MYOZ2: variants seen among roughly 807,000 people sequenced by gnomAD.
The protein encoded by MYOZ2 is myozenin-2.
MYOZ2 carries 19 observed loss-of-function variants against 25.4 expected under a neutral mutation model. The observed-to-expected ratio is 0.75, with a 90% CI of 0.52 to 1.10. The LOEUF is 1.10. Among genes scored for constraint, MYOZ2 ranks in the 50% least tolerant of loss-of-function variants. The pLI is 0.00. For synonymous variants in MYOZ2, 92 were observed against 106.9 expected (o/e 0.86, Z 0.86); for missense variants, 270 against 317.9 (o/e 0.85, Z 1.15).
At chr4:119,167,678 C>T (rs1308906130) in intron 5 of MYOZ2, among the ~76,000 whole-genome samples, 1 of 152,204 alleles carries the variant, frequency 6.6e-6, no homozygotes, top group Non-Finnish European at 1.5e-5. Context: ...AACTATCTCA[C>T]TAGAAACTAA....
chr4:119,163,008 A>G (rs963455002), intron 4 of MYOZ2, among the ~76,000 whole-genome samples: 3 of 152,220 alleles, frequency 2.0e-5, no homozygotes, highest in African/African-American at 4.8e-5. Flanking sequence ...CAGAATTATC[A>G]ATACATAGGT....
chr4:119,176,303 C>T (rs1292000966), intron 5 of MYOZ2, among the ~76,000 whole-genome samples: 1 of 150,610 alleles, frequency 6.6e-6, no homozygotes, highest in Non-Finnish European at 1.5e-5. Context: ...TCACTGCAAC[C>T]TCCACCTCCC....
intron 5 of MYOZ2, among the ~76,000 whole-genome samples, chr4:119,171,830 CACACAAA>C (rs1218244086): frequency 4.6e-5 from 7 of 150,972 alleles, no homozygotes; most frequent in East Asian, 1.9e-4. Context: ...CACACACACA[CACACAAA>C]ACAAAACAAA....
chr4:119,157,980 AT>A, intron 3 of MYOZ2, 41 bp from the exon 4 acceptor site: 1 of 1,611,388 alleles, frequency 6.2e-7, no homozygotes, highest in Non-Finnish European at 8.5e-7. Context: ...TTGTGCTTAC[AT>A]TTTTGAGTTT....
At chr4:119,159,262 T>A (rs1415430654) in intron 4 of MYOZ2, among the ~76,000 whole-genome samples, 1 of 151,978 alleles carries the variant, frequency 6.6e-6, no homozygotes, top group African/African-American at 2.4e-5. Context: ...AGACCCTATC[T>A]CTACAAAAAA....
At chr4:119,175,013 A>G (rs1742032513) in intron 5 of MYOZ2, among the ~76,000 whole-genome samples, 1 of 152,020 alleles carries the variant, frequency 6.6e-6, no homozygotes, top group Non-Finnish European at 1.5e-5. Flanking sequence ...CACCAGAAGG[A>G]AGAAACTCCG....
At chr4:119,161,741 A>AAAT (rs1741714698) in intron 4 of MYOZ2, among the ~76,000 whole-genome samples, 1 of 152,176 alleles carries the variant, frequency 6.6e-6, no homozygotes, top group East Asian at 1.9e-4. Context: ...GATTATTGTG[A>AAAT]AACCCTTAAA....
chr4:119,158,542 TA>T (rs1741637083), intron 4 of MYOZ2, among the ~76,000 whole-genome samples: 1 of 151,882 alleles, frequency 6.6e-6, no homozygotes, highest in African/African-American at 2.4e-5. Context: ...GGTAACAGAG[TA>T]AGACCCTGAC....
In MYOZ2 at chr4:119,137,236, G is replaced by A. The variant is rs144307449; in HGVS notation, c.76+635G>A. On this transcript the variant is annotated intron_variant, in intron 2 of 5. Coordinates refer to ENST00000307128, the MANE Select transcript of MYOZ2 (RefSeq NM_016599.5). Reference sequence around the variant, plus strand: ...AAATTTTAATATATATTACGTGCAAGGTAATATTTCACTCTCTCCTTTTCT... The same window carrying A: ...AAATTTTAATATATATTACGTGCAAAGTAATATTTCACTCTCTCCTTTTCT... 8.4e-3 allele frequency among the ~76,000 whole-genome samples: 1,271 copies of A among 152,110 alleles called. 12 individuals are homozygous for A. Among genetic ancestry groups the A allele is most frequent in the Non-Finnish European group, 0.014 (927 of 67,968 alleles).
chr4:119,157,915 A>C (rs899374353), intron 3 of MYOZ2, 107 bp from the exon 4 acceptor site: 3 of 1,381,992 alleles, frequency 2.2e-6, no homozygotes. Flanking sequence ...ATGAAGCGAC[A>C]TTGCATTTAA....
At position 119,186,425 on chromosome 4, in the gene MYOZ2, T is replaced by C; in HGVS notation, c.*225T>C. The C allele has an allele frequency of 1.9e-6, 1 of 524,030 alleles. No homozygotes were observed. Among genetic ancestry groups the C allele is most frequent in the Non-Finnish European group, 3.3e-6 (1 of 298,624 alleles). The allele number at this position is 524,030 out of a possible 1,614,324, so 32.5% of individuals were successfully genotyped here. A position where few individuals can be genotyped will look rare whatever the true frequency, so the allele number is the denominator to read the frequency against. On this transcript the variant is annotated 3_prime_UTR_variant, in exon 6 of 6. Transcript: ENST00000307128. ...TCACTTGTCTTCATTCATAATTTTG[T>C]TTTCACCTGGTTTAAAGAATCCAGA...
intron 5 of MYOZ2, among the ~76,000 whole-genome samples, chr4:119,180,506 A>G (rs1053669231): frequency 2.6e-5 from 4 of 152,158 alleles, no homozygotes; most frequent in Admixed American, 2.6e-4. Flanking sequence ...TAAACTAGAT[A>G]AATATTCTTT....
At chr4:119,173,049 T>C (rs1197578088) in intron 5 of MYOZ2, among the ~76,000 whole-genome samples, 1 of 152,246 alleles carries the variant, frequency 6.6e-6, no homozygotes, top group Non-Finnish European at 1.5e-5. Context: ...CATTAGCTAC[T>C]TAGTAGAATA....
intron 2 of MYOZ2, among the ~76,000 whole-genome samples, chr4:119,141,046 G>A (rs1194057596): frequency 2.0e-5 from 3 of 152,134 alleles, no homozygotes; most frequent in Admixed American, 2.0e-4. Context: ...CATGTTATAT[G>A]TAATATGTAC....
At chr4:119,164,431 A>G in intron 5 of MYOZ2, 37 bp downstream of exon 5, 1 of 1,607,842 alleles carries the variant, frequency 6.2e-7, no homozygotes, top group Non-Finnish European at 8.5e-7. Context: ...GTTGGCATGC[A>G]ATACCAAAAT....
chr4:119,147,099 G>A (rs2149220208), intron 2 of MYOZ2, among the ~76,000 whole-genome samples: 1 of 152,188 alleles, frequency 6.6e-6, no homozygotes, highest in Non-Finnish European at 1.5e-5. Context: ...GTTATCATAG[G>A]CAGTGAGTTT....
At chr4:119,174,871 C>G (rs1229617639) in intron 5 of MYOZ2, among the ~76,000 whole-genome samples, 1 of 152,160 alleles carries the variant, frequency 6.6e-6, no homozygotes. Context: ...AGATCTGCAG[C>G]TTCACTCCTG....
chr4:119,149,177 G>A (rs1421161283), intron 2 of MYOZ2, among the ~76,000 whole-genome samples: 12 of 152,166 alleles, frequency 7.9e-5, no homozygotes, highest in Admixed American at 7.2e-4. Flanking sequence ...GAGCCTCTTT[G>A]TTATTGCTGG....
At chr4:119,161,472 C>T (rs1050651828) in intron 4 of MYOZ2, among the ~76,000 whole-genome samples, 9 of 151,852 alleles carry the variant, frequency 5.9e-5, no homozygotes, top group African/African-American at 1.7e-4. Flanking sequence ...TGCCATAATA[C>T]TGTAAAAATA....
Sources: gnomAD v4.1 joint callset for allele counts (sites outside exome capture counted in the v4.1 genomes callset) on GRCh38, gnomAD v4.1.1 for gene constraint, MANE v1.5 for transcripts, NCBI Gene and HGNC (gene_info 2026-07-23, HGNC 2026-07-21) for gene names.